Variants in GRM8 observed in about 807,000 individuals in gnomAD.
GRM8 encodes the protein glutamate metabotropic receptor 8.
A neutral mutation model predicts 87.2 loss-of-function variants in GRM8; 47 were observed. The observed-to-expected ratio is 0.54, with a 90% confidence interval of 0.43 to 0.69. The LOEUF (loss-of-function observed/expected upper bound fraction) is 0.69. Among genes scored for constraint, GRM8 ranks in the 30% least tolerant of loss-of-function variants. The pLI is 0.00. For synonymous variants in GRM8, 396 were observed against 404.5 expected, an observed-to-expected ratio of 0.98 and a Z score of 0.25; for missense variants, 1,019 against 1,139.2, an observed-to-expected ratio of 0.89 and a Z score of 1.52.
chr7:126,837,515 TAA>T (rs1795914208), intron 6 of GRM8, among the ~76,000 whole-genome samples: 1 of 152,248 alleles, frequency 6.6e-6, no homozygotes. Context: ...ACTTACTGTC[TAA>T]GTTATTTTTC....
chr7:127,133,136 C>T (rs1307905800), intron 2 of GRM8, among the ~76,000 whole-genome samples: 2 of 151,010 alleles, frequency 1.3e-5, no homozygotes, highest in African/African-American at 4.9e-5. Context: ...GACCCTGTCT[C>T]GGGCCAAGCG....
chr7:126,825,267 C>T (rs1273153799), intron 6 of GRM8, among the ~76,000 whole-genome samples: 9 of 152,048 alleles, frequency 5.9e-5, no homozygotes, highest in Non-Finnish European at 1.0e-4. Context: ...AGGGTTTCAC[C>T]ATGCTAGCCA....
chr7:126,830,114 T>C (rs895007444), intron 6 of GRM8, among the ~76,000 whole-genome samples: 1 of 152,196 alleles, frequency 6.6e-6, no homozygotes, highest in Admixed American at 6.5e-5. Flanking sequence ...AACCCGAGCT[T>C]TCTCTCTGGC....
At chr7:127,226,935 C>G (rs569270051) in intron 2 of GRM8, among the ~76,000 whole-genome samples, 1 of 152,072 alleles carries the variant, frequency 6.6e-6, no homozygotes, top group Non-Finnish European at 1.5e-5. Context: ...CACTGGCACA[C>G]AAAGCTAGTG....
intron 7 of GRM8, among the ~76,000 whole-genome samples, chr7:126,641,077 G>T (rs1266830753): frequency 1.3e-5 from 2 of 151,836 alleles, no homozygotes; most frequent in African/African-American, 4.8e-5. Context: ...CTACTACTTT[G>T]GTCACTGACA....
intron 7 of GRM8, among the ~76,000 whole-genome samples, chr7:126,763,461 A>G (rs987638873): frequency 1.3e-4 from 8 of 62,830 alleles, no homozygotes; most frequent in African/African-American, 3.3e-4. Context: ...ATATATATAT[A>G]TATATATATA....
intron 7 of GRM8, among the ~76,000 whole-genome samples, chr7:126,660,875 C>G (rs73449018): frequency 6.6e-6 from 1 of 151,208 alleles, no homozygotes; most frequent in African/African-American, 2.4e-5. Context: ...ATATTTCACA[C>G]CAATCACTTC....
At chr7:126,758,745 G>A (rs1024419834) in intron 7 of GRM8, among the ~76,000 whole-genome samples, 7 of 152,040 alleles carry the variant, frequency 4.6e-5, no homozygotes, top group African/African-American at 1.7e-4. Context: ...CTTAGCTAGA[G>A]ACAAGGTGTT....
At chr7:127,232,208 TGTGTGAGAGA>T (rs1358923883) in intron 2 of GRM8, among the ~76,000 whole-genome samples, 4 of 147,180 alleles carry the variant, frequency 2.7e-5, no homozygotes, top group Non-Finnish European at 4.5e-5. Flanking sequence ...TGTGTGTGTG[TGTGTGAGAGA>T]GAGAGAGAGA....
chr7:126,921,800 C>T (rs1296869654), intron 3 of GRM8, among the ~76,000 whole-genome samples: 1 of 152,084 alleles, frequency 6.6e-6, no homozygotes, highest in African/African-American at 2.4e-5. Flanking sequence ...ACCTTCCATG[C>T]ATACCTTTTT....
chr7:126,822,376 A>G (rs897181549), intron 6 of GRM8, among the ~76,000 whole-genome samples: 1 of 152,160 alleles, frequency 6.6e-6, no homozygotes, highest in African/African-American at 2.4e-5. Flanking sequence ...TTTAGCTGCC[A>G]CAACACATTT....
chr7:126,594,121 T>C (rs938631427), intron 8 of GRM8, among the ~76,000 whole-genome samples: 1 of 151,926 alleles, frequency 6.6e-6, no homozygotes, highest in Non-Finnish European at 1.5e-5. Context: ...GAAAATGGAA[T>C]TTTGCAAGCT....
At chr7:126,555,476 A>G (rs560663844) in intron 8 of GRM8, among the ~76,000 whole-genome samples, 3 of 152,364 alleles carry the variant, frequency 2.0e-5, no homozygotes, top group African/African-American at 4.8e-5. Context: ...ATATGATCCA[A>G]ACATAAATCA....
chr7:126,831,114 C>G (rs1471698639), intron 6 of GRM8, among the ~76,000 whole-genome samples: 1 of 152,200 alleles, frequency 6.6e-6, no homozygotes, highest in African/African-American at 2.4e-5. Flanking sequence ...TCTGCCCCTA[C>G]TGGGGGGTGC....
At chr7:126,959,758 T>A (rs768593622) in intron 3 of GRM8, among the ~76,000 whole-genome samples, 14 of 152,180 alleles carry the variant, frequency 9.2e-5, no homozygotes, top group Non-Finnish European at 1.9e-4. Flanking sequence ...GGCTCAGATA[T>A]CTTGAATTTA....
intron 3 of GRM8, among the ~76,000 whole-genome samples, chr7:126,906,124 G>T (rs13311708): frequency 6.6e-6 from 1 of 152,022 alleles, no homozygotes; most frequent in African/African-American, 2.4e-5. Context: ...TGGGATTAGT[G>T]CCCTTATAAA....
intron 9 of GRM8, among the ~76,000 whole-genome samples, chr7:126,494,746 G>A (rs989006248): frequency 1.3e-5 from 2 of 152,002 alleles, no homozygotes; most frequent in Non-Finnish European, 2.9e-5. Context: ...CACTGCCACT[G>A]TTAAAAATGC....
chr7:126,976,095 T>C (rs1290263765), intron 3 of GRM8, among the ~76,000 whole-genome samples: 3 of 152,222 alleles, frequency 2.0e-5, no homozygotes, highest in Non-Finnish European at 2.9e-5. Flanking sequence ...GATGACTTTC[T>C]CATTTTCTCA....
At chr7:126,867,351 T>G (rs1798687605) in intron 6 of GRM8, among the ~76,000 whole-genome samples, 1 of 152,184 alleles carries the variant, frequency 6.6e-6, no homozygotes, top group African/African-American at 2.4e-5. Context: ...AAACATTCGC[T>G]GTTGTGATTT....
Sources: allele counts gnomAD v4.1 joint callset (sites outside exome capture counted in the v4.1 genomes callset), GRCh38; gene constraint gnomAD v4.1.1; transcripts MANE v1.5; gene names NCBI Gene and HGNC (gene_info 2026-07-23, HGNC 2026-07-21).